The following TJP2 variants were observed in gnomAD, a reference collection of about 807,000 sequenced individuals.
TJP2 encodes Friedreich ataxia region gene X104 (tight junction protein ZO-2).
Under a neutral mutation model 133.1 loss-of-function variants are expected in TJP2, and 91 were observed. That is an observed-to-expected ratio of 0.68 (90% CI 0.58 to 0.81). The LOEUF (loss-of-function observed/expected upper bound fraction) is 0.81, where lower values mean the gene tolerates loss of function less well. TJP2 is among the 40% of genes least tolerant of loss of function. The pLI is 0.00. For missense variants in TJP2, 1,541 were observed against 1,565.6 expected, an observed-to-expected ratio of 0.98 and a Z score of 0.26; for synonymous variants, 592 against 583.4, an observed-to-expected ratio of 1.01 and a Z score of -0.21.
chr9:69,245,138 A>G (rs1830836620), intron 17 of TJP2, among the ~76,000 whole-genome samples: 1 of 152,226 alleles, frequency 6.6e-6, no homozygotes, highest in Admixed American at 6.5e-5. Flanking sequence ...AAGTCCGTGG[A>G]ATCAAAGTTA....
At chr9:69,177,710 T>C (rs1825202602) in intron 1 of TJP2, among the ~76,000 whole-genome samples, 1 of 151,894 alleles carries the variant, frequency 6.6e-6, no homozygotes. Flanking sequence ...GGTGGTGCGG[T>C]CTTGGCTCAC....
intron 1 of TJP2, among the ~76,000 whole-genome samples, chr9:69,205,852 G>T (rs1056794679): frequency 3.3e-5 from 5 of 152,274 alleles, no homozygotes; most frequent in Middle Eastern, 3.4e-3. Context: ...TGTTCAGGGG[G>T]ACTTTGGGCA....
intron 1 of TJP2, 145 bp downstream of exon 1, chr9:69,174,577 G>A (rs1824922665): frequency 3.9e-6 from 4 of 1,029,124 alleles, no homozygotes; most frequent in African/African-American, 1.6e-5. Flanking sequence ...GACGTGGGAC[G>A]CAGGGGAGGG....
Position 69,226,052 on chromosome 9 carries a change from T to C in TJP2, c.1087T>C (p.Leu363=), listed in dbSNP as rs1051910552. 2.5e-6 allele frequency: 4 copies of C among 1,614,080 alleles called. No homozygotes were observed. The African/African-American group carries it at 5.3e-5, about 22-fold the overall frequency. ...TGGGACTGTAACTGAGAACATGTCT[T>C]TAACGGATGCTCGAAAATTGATAGA... The part of the protein sequence containing the change: ...INGTVTENMS[L]TDARKLIEKS... Residue 363 remains leucine, a synonymous_variant, in exon 7 of 23, where the codon TTA becomes CTA. Coordinates refer to ENST00000377245, the MANE Select transcript of TJP2 (RefSeq NM_004817.4).
At chr9:69,173,852 C>G (rs1246786025), upstream of TJP2, among the ~76,000 whole-genome samples, 3 of 152,212 alleles carry the variant, frequency 2.0e-5, no homozygotes, top group Non-Finnish European at 4.4e-5. Flanking sequence ...GCGCCCGGAG[C>G]TCACTCCAGG....
In TJP2 at chr9:69,184,752, C is replaced by CTT. The variant is rs564424748; in HGVS notation, c.60+10337_60+10338dup. ...AGACTGATTTCTCTCTCTCTCTCTTCTTTTTTTTTTTTTTTTTTGAGACGG... is the reference window on the plus strand; with the variant it reads ...AGACTGATTTCTCTCTCTCTCTCTTCTTTTTTTTTTTTTTTTTTTTGAGACGG... On this transcript the variant is annotated intron_variant, in intron 1 of 22. Coordinates refer to ENST00000377245, the MANE Select transcript of TJP2 (RefSeq NM_004817.4). Among the ~76,000 whole-genome samples the CTT allele has an allele frequency of 6.4e-3, 806 of 125,830 alleles. 14 individuals carry two copies. Among genetic ancestry groups the CTT allele is most frequent in the African/African-American group, 0.011 (354 of 33,644 alleles). The allele number at this position is 125,830 out of a possible 152,430, so 82.5% of individuals were successfully genotyped here.
Position 69,132,258 on chromosome 9 carries a change from T to G in TJP2, c.-131+10533T>G, listed in dbSNP as rs528810945. On this transcript the variant is annotated intron_variant, in intron 1 of 5. Transcript: ENST00000423935. ...GCATAAACCACATGGTTGTACAGTTTAAGGACAGTGTGAGACTCTTACCAG... is the reference window on the plus strand; with the variant it reads ...GCATAAACCACATGGTTGTACAGTTGAAGGACAGTGTGAGACTCTTACCAG... Among the ~76,000 whole-genome samples the G allele has an allele frequency of 9.7e-4, 147 of 152,322 alleles. 1 individual carries two copies. The highest frequency in any genetic ancestry group is 3.3e-3 in the African/African-American group (139 of 41,576).
intron 1 of TJP2, among the ~76,000 whole-genome samples, chr9:69,142,807 A>C (rs1416391961): frequency 6.6e-6 from 1 of 152,230 alleles, no homozygotes; most frequent in Non-Finnish European, 1.5e-5. Flanking sequence ...CTGACTTAAA[A>C]GCTTTTTTTG....
intron 1 of TJP2, among the ~76,000 whole-genome samples, chr9:69,146,695 T>G (rs1381312407): frequency 2.0e-5 from 3 of 148,494 alleles, no homozygotes; most frequent in Non-Finnish European, 4.4e-5. Flanking sequence ...AAATAGGGAA[T>G]TTTGCTCCCC....
chr9:69,152,490 G>A (rs1468471673), intron 2 of TJP2, among the ~76,000 whole-genome samples: 1 of 152,136 alleles, frequency 6.6e-6, no homozygotes, highest in East Asian at 1.9e-4. Flanking sequence ...CCAGATAAAT[G>A]TGTGAACTGG....
At chr9:69,253,427 G>GA (rs60723906) in intron 22 of TJP2, 52 of 151,268 alleles carry the variant, frequency 3.4e-4, no homozygotes, top group Admixed American at 5.8e-4. Context: ...TCCGAGAATA[G>GA]AAAAAAAAAA....
intron 1 of TJP2, among the ~76,000 whole-genome samples, chr9:69,178,615 T>C (rs113684918): frequency 2.8e-3 from 428 of 152,336 alleles, no homozygotes; most frequent in African/African-American, 9.8e-3. Context: ...TGATGGACTT[T>C]CTGTCTTAAG....
intron 5 of TJP2, among the ~76,000 whole-genome samples, chr9:69,224,353 G>GT (rs11297121): frequency 2.7e-4 from 41 of 151,200 alleles, no homozygotes; most frequent in East Asian, 1.4e-3. Context: ...GTGCTGAATT[G>GT]TTTTTTTTTC....
At chr9:69,193,341 A>G (rs1826333901) in intron 1 of TJP2, among the ~76,000 whole-genome samples, 1 of 151,994 alleles carries the variant, frequency 6.6e-6, no homozygotes, top group African/African-American at 2.4e-5. Context: ...AGTGGATAAT[A>G]CATCTGTTAC....
chr9:69,139,384 A>G (rs901405324), intron 1 of TJP2, among the ~76,000 whole-genome samples: 1 of 152,182 alleles, frequency 6.6e-6, no homozygotes, highest in Non-Finnish European at 1.5e-5. Flanking sequence ...CTAAAATGAG[A>G]TCATTAAGGT....
At chr9:69,184,836 G>A (rs1242273733) in intron 1 of TJP2, among the ~76,000 whole-genome samples, 3 of 134,674 alleles carry the variant, frequency 2.2e-5, no homozygotes, top group African/African-American at 8.5e-5. Flanking sequence ...CTGCAGCCTC[G>A]ACTTCCCTGG....
At chr9:69,219,400 T>TA (rs1828637728) in intron 4 of TJP2, among the ~76,000 whole-genome samples, 3 of 152,252 alleles carry the variant, frequency 2.0e-5, no homozygotes, top group African/African-American at 7.2e-5. Flanking sequence ...ACTTGGTCTC[T>TA]GTATGTATAT....
At chr9:69,223,497 C>T (rs537958981) in intron 5 of TJP2, among the ~76,000 whole-genome samples, 10 of 152,092 alleles carry the variant, frequency 6.6e-5, no homozygotes, top group African/African-American at 1.9e-4. Flanking sequence ...TAAGTAGAGA[C>T]GGGGTTTCAC....
upstream of TJP2, chr9:69,121,326 G>C: frequency 1.0e-6 from 1 of 985,360 alleles, no homozygotes; most frequent in Non-Finnish European, 1.2e-6. Flanking sequence ...CTCCCTCCCG[G>C]GGCTCGCGCG....
Sources: allele counts gnomAD v4.1 joint callset (sites outside exome capture counted in the v4.1 genomes callset), GRCh38; gene constraint gnomAD v4.1.1; transcripts MANE v1.5; gene names NCBI Gene and HGNC (gene_info 2026-07-23, HGNC 2026-07-21).